ACOXL: variants seen among roughly 807,000 people sequenced by gnomAD.
The protein encoded by ACOXL is acyl-coenzyme A oxidase-like protein.
A neutral mutation model predicts 71.9 loss-of-function variants in ACOXL; 70 were observed. That is an observed-to-expected ratio of 0.97 (90% CI 0.80 to 1.19). The LOEUF is 1.19. Ranked by LOEUF, ACOXL falls within the 50% of genes most tolerant of loss-of-function variation. The probability of loss-of-function intolerance (pLI) is 0.00; values close to 1 mark genes in which losing one functional copy is unlikely to be tolerated. For synonymous variants in ACOXL, 253 were observed against 281.6 expected, an observed-to-expected ratio of 0.90 and a Z score of 1.02; for missense variants, 703 against 736.3, an observed-to-expected ratio of 0.95 and a Z score of 0.52.
At chr2:110,979,112 C>T (rs1383307526) in intron 12 of ACOXL, among the ~76,000 whole-genome samples, 4 of 152,054 alleles carry the variant, frequency 2.6e-5, no homozygotes, top group Non-Finnish European at 5.9e-5. Context: ...GCCGGCCCTG[C>T]GCTAGGGAAG....
At chr2:110,885,067 C>T (rs561167790) in intron 10 of ACOXL, among the ~76,000 whole-genome samples, 13 of 152,202 alleles carry the variant, frequency 8.5e-5, no homozygotes, top group African/African-American at 2.2e-4. Context: ...TAGGAAGGTA[C>T]GCAAAAGTGT....
chr2:110,736,160 T>C (rs1168403923), intron 1 of ACOXL, among the ~76,000 whole-genome samples: 1 of 152,250 alleles, frequency 6.6e-6, no homozygotes, highest in Non-Finnish European at 1.5e-5. Context: ...AGTCAAATAA[T>C]TTGGACAACT....
chr2:110,883,911 C>A (rs1041036805), intron 10 of ACOXL, among the ~76,000 whole-genome samples: 1 of 152,072 alleles, frequency 6.6e-6, no homozygotes, highest in Non-Finnish European at 1.5e-5. Flanking sequence ...ATATAGTACA[C>A]ACTTAAATAT....
chr2:110,881,927 T>C (rs1014231667), intron 10 of ACOXL, among the ~76,000 whole-genome samples: 1 of 152,124 alleles, frequency 6.6e-6, no homozygotes, highest in Non-Finnish European at 1.5e-5. Context: ...CCAATAATGC[T>C]GCTATGAACA....
intron 1 of ACOXL, among the ~76,000 whole-genome samples, chr2:110,749,785 C>T (rs1573324803): frequency 6.6e-6 from 1 of 152,180 alleles, no homozygotes; most frequent in East Asian, 1.9e-4. Flanking sequence ...CTTTAGTTTT[C>T]CCACTGGTGG....
rs543394899 is a variant in ACOXL at position 111,053,124 on chromosome 2, C to T, written c.1440+3836C>T. 3.9e-5 allele frequency among the ~76,000 whole-genome samples: 6 copies of T among 152,256 alleles called. No individual in the cohort carries two copies. The South Asian group carries it at 1.2e-3, about 32-fold the overall frequency. On this transcript the variant is annotated intron_variant, in intron 16 of 17. Coordinates refer to ENST00000439055, the MANE Select transcript of ACOXL (RefSeq NM_001142807.4). ...TAAAAGAGGAGGTAAATTAGACCAC[C>T]CCAAAGACCCTTCCAGCATCACACT...
intron 13 of ACOXL, among the ~76,000 whole-genome samples, chr2:110,993,350 G>A (rs1277720862): frequency 1.3e-5 from 2 of 152,144 alleles, no homozygotes; most frequent in African/African-American, 4.8e-5. Flanking sequence ...CCACAGATTA[G>A]TTTTTCTATA....
chr2:110,992,635 G>A (rs555011715), intron 13 of ACOXL, among the ~76,000 whole-genome samples: 3 of 152,338 alleles, frequency 2.0e-5, no homozygotes, highest in South Asian at 2.1e-4. Context: ...TCCATGGGAC[G>A]AGGTAAGGCA....
intron 12 of ACOXL, among the ~76,000 whole-genome samples, chr2:110,967,198 A>G (rs2061971969): frequency 6.6e-6 from 1 of 152,224 alleles, no homozygotes; most frequent in Admixed American, 6.5e-5. Flanking sequence ...ATAAGCAAAT[A>G]AAAGGGGACC....
intron 10 of ACOXL, among the ~76,000 whole-genome samples, chr2:110,842,460 A>C (rs1000519514): frequency 6.6e-6 from 1 of 152,250 alleles, no homozygotes; most frequent in Non-Finnish European, 1.5e-5. Flanking sequence ...TAGAGAAAGC[A>C]TGCACATTTA....
chr2:110,858,390 G>GT (rs1450456021), intron 10 of ACOXL, among the ~76,000 whole-genome samples: 24 of 152,078 alleles, frequency 1.6e-4, no homozygotes, highest in Non-Finnish European at 8.8e-5. Flanking sequence ...TCCGCATCTC[G>GT]TTTGTCATTT....
At chr2:110,766,919 G>T (rs1681152731) in intron 1 of ACOXL, among the ~76,000 whole-genome samples, 1 of 152,196 alleles carries the variant, frequency 6.6e-6, no homozygotes, top group Non-Finnish European at 1.5e-5. Context: ...CACTCCATCT[G>T]CTCTGCAAGA....
chr2:110,966,006 C>A (rs1403473421), intron 12 of ACOXL, among the ~76,000 whole-genome samples: 7 of 152,276 alleles, frequency 4.6e-5, no homozygotes, highest in South Asian at 2.1e-4. Context: ...CATGCTACAC[C>A]AGCCAGACAC....
At chr2:110,908,385 G>A (rs2059535195) in intron 10 of ACOXL, among the ~76,000 whole-genome samples, 1 of 152,192 alleles carries the variant, frequency 6.6e-6, no homozygotes, top group African/African-American at 2.4e-5. Flanking sequence ...CACCCTCCTT[G>A]TTGAGAATGT....
chr2:110,981,450 T>C (rs1000750657), intron 12 of ACOXL, among the ~76,000 whole-genome samples: 17 of 152,212 alleles, frequency 1.1e-4, no homozygotes, highest in African/African-American at 3.4e-4. Context: ...CTTGGTTGTA[T>C]TATTGGACCA....
intron 11 of ACOXL, among the ~76,000 whole-genome samples, chr2:110,918,190 G>A (rs919627634): frequency 2.6e-5 from 4 of 152,174 alleles, no homozygotes; most frequent in Admixed American, 2.6e-4. Context: ...AAAATAGCAT[G>A]GTACTGGTAC....
In ACOXL at chr2:110,758,391, A is replaced by G. The variant is rs959882417; in HGVS notation, c.-22-9977A>G. Among the ~76,000 whole-genome samples, 8 of 152,274 alleles carry G rather than the reference A, an allele frequency of 5.3e-5. No individual in the cohort carries two copies. The South Asian group carries it at 1.0e-3, about 20-fold the overall frequency. Reference sequence around the variant, plus strand: ...GTTATCTGGGCTCCTTTTTGGTTCCATATGAATTTTAAAATGATTTTTTCT... The same window carrying G: ...GTTATCTGGGCTCCTTTTTGGTTCCGTATGAATTTTAAAATGATTTTTTCT... On this transcript the variant is annotated intron_variant, in intron 1 of 17. Coordinates refer to ENST00000439055, the MANE Select transcript of ACOXL (RefSeq NM_001142807.4).
At chr2:110,767,609 G>T (rs1456936123) in intron 1 of ACOXL, among the ~76,000 whole-genome samples, 1 of 152,154 alleles carries the variant, frequency 6.6e-6, no homozygotes, top group Non-Finnish European at 1.5e-5. Context: ...TTATTCCAAA[G>T]GTGTGGCAGC....
At chr2:110,839,154 C>T (rs1266357738) in intron 9 of ACOXL, among the ~76,000 whole-genome samples, 1 of 151,562 alleles carries the variant, frequency 6.6e-6, no homozygotes, top group East Asian at 1.9e-4. Context: ...TCTTCTTGTC[C>T]CTCCCACCCC....
Sources: gnomAD v4.1 joint callset for allele counts (sites outside exome capture counted in the v4.1 genomes callset) on GRCh38, gnomAD v4.1.1 for gene constraint, MANE v1.5 for transcripts, NCBI Gene and HGNC (gene_info 2026-07-23, HGNC 2026-07-21) for gene names.